RASAL2: variants seen among roughly 807,000 people sequenced by gnomAD.
The protein encoded by RASAL2 is RAS protein activator like 2.
A neutral mutation model predicts 128.9 loss-of-function variants in RASAL2; 58 were observed. The ratio of observed to expected loss-of-function variants is 0.45; its 90% CI spans 0.36 to 0.56. The LOEUF is 0.56. RASAL2 is among the 20% of genes least tolerant of loss of function. RASAL2 has a pLI of 0.00. For missense variants in RASAL2, 1,360 were observed against 1,601.6 expected, an observed-to-expected ratio of 0.85 and a Z score of 2.57; for synonymous variants, 561 against 580.8, an observed-to-expected ratio of 0.97 and a Z score of 0.49.
intron 1 of RASAL2, among the ~76,000 whole-genome samples, chr1:178,265,762 A>C (rs1001094353): frequency 1.3e-5 from 2 of 152,248 alleles, no homozygotes; most frequent in African/African-American, 4.8e-5. Context: ...TCAGAAGCCC[A>C]CTTATGTCCT....
At chr1:178,290,324 AT>A (rs1667217687) in intron 2 of RASAL2, among the ~76,000 whole-genome samples, 1 of 152,196 alleles carries the variant, frequency 6.6e-6, no homozygotes, top group Non-Finnish European at 1.5e-5. Flanking sequence ...TGAATAGAAA[AT>A]ATCTTCTATC....
At chr1:178,381,003 T>C (rs2102561522) in intron 3 of RASAL2, among the ~76,000 whole-genome samples, 1 of 152,268 alleles carries the variant, frequency 6.6e-6, no homozygotes, top group East Asian at 1.9e-4. Context: ...AAGTTGATAT[T>C]GAAGGTCATC....
intron 1 of RASAL2, among the ~76,000 whole-genome samples, chr1:178,222,610 C>A (rs548240534): frequency 4.6e-5 from 7 of 152,132 alleles, no homozygotes; most frequent in African/African-American, 1.7e-4. Flanking sequence ...GATTATTTAT[C>A]AGATGTCCAA....
chr1:178,385,647 T>C (rs1324220436), intron 3 of RASAL2, among the ~76,000 whole-genome samples: 1 of 152,174 alleles, frequency 6.6e-6, no homozygotes, highest in Non-Finnish European at 1.5e-5. Context: ...TATAGTAGTA[T>C]TGTAGTGTCA....
chr1:178,233,047 T>C (rs772643441), intron 1 of RASAL2, among the ~76,000 whole-genome samples: 100 of 152,240 alleles, frequency 6.6e-4, no homozygotes, highest in African/African-American at 2.4e-3. Flanking sequence ...ACTCTGATGA[T>C]ACTTTGCTTC....
In RASAL2 at chr1:178,300,047, TGAG is replaced by T. The variant is rs753921536; in HGVS notation, c.390_392del (p.Arg131del). On this transcript the variant is annotated inframe_deletion, in exon 3 of 18. Transcript: ENST00000367649. The stretch of plus-strand genomic sequence containing the variant: ...ACAGATTCCACCAAAGGGCGATGCC[TGAG>T]GAGAACTGTCAGTGTCCCTTCCGAG... The T allele has an allele frequency of 3.7e-6, 6 of 1,613,850 alleles. No homozygotes were observed. Among genetic ancestry groups the T allele is most frequent in the African/African-American group, 1.3e-5 (1 of 74,890 alleles).
At chr1:178,320,131 TGAG>T (rs1668686875) in intron 3 of RASAL2, among the ~76,000 whole-genome samples, 1 of 151,978 alleles carries the variant, frequency 6.6e-6, no homozygotes, top group Non-Finnish European at 1.5e-5. Context: ...GGGACCCACT[TGAG>T]GAGGCAGTCT....
chr1:178,161,207 C>A (rs1212004757), intron 1 of RASAL2, among the ~76,000 whole-genome samples: 1 of 151,976 alleles, frequency 6.6e-6, no homozygotes, highest in Non-Finnish European at 1.5e-5. Flanking sequence ...TCTTTTGCAA[C>A]AATCACTACC....
At chr1:178,165,425 G>C (rs1208696292) in intron 1 of RASAL2, among the ~76,000 whole-genome samples, 1 of 152,072 alleles carries the variant, frequency 6.6e-6, no homozygotes, top group Admixed American at 6.6e-5. Flanking sequence ...GATATTATAA[G>C]TAATCCAGAG....
rs560231384 is a variant in RASAL2, at chr1:178,133,810, C to T, written c.202+39116C>T. 2.8e-4 allele frequency among the ~76,000 whole-genome samples: 43 copies of T among 152,256 alleles called. 1 individual carries two copies. The South Asian group carries it at 8.5e-3, about 30-fold the overall frequency. On this transcript the variant is annotated intron_variant, in intron 1 of 17. Coordinates refer to ENST00000367649, the MANE Select transcript of RASAL2 (RefSeq NM_170692.4). ...CTCTCTTTCTTACTGTACTTAACAT[C>T]TAAAGGGCACCTCATTTATTTTCAG...
rs750507726 is a variant in RASAL2 at position 178,246,684 on chromosome 1, T to G, written c.203-36880T>G. ...ATGCTTCCAGTTTTTGCCCATTCAGTATGATATTGGCTGTGGGTTTGTCAT... is the reference window on the plus strand; with the variant it reads ...ATGCTTCCAGTTTTTGCCCATTCAGGATGATATTGGCTGTGGGTTTGTCAT... On this transcript the variant is annotated intron_variant, in intron 1 of 17. Coordinates refer to ENST00000367649, the MANE Select transcript of RASAL2 (RefSeq NM_170692.4). 7.2e-5 allele frequency among the ~76,000 whole-genome samples: 11 copies of G among 152,200 alleles called. 1 individual carries two copies. The highest frequency in any genetic ancestry group is 1.3e-4 in the Non-Finnish European group (9 of 68,050).
chr1:178,217,528 A>G (rs1212909269), intron 1 of RASAL2, among the ~76,000 whole-genome samples: 1 of 152,208 alleles, frequency 6.6e-6, no homozygotes, highest in Non-Finnish European at 1.5e-5. Context: ...CATACTGCAG[A>G]TATTGTGTGT....
intron 1 of RASAL2, among the ~76,000 whole-genome samples, chr1:178,242,435 CTCTCTCTCTCTCTCTCTCTCTCT>C (rs1664544531): frequency 8.8e-5 from 1 of 11,368 alleles, no homozygotes; most frequent in East Asian, 2.6e-3. Flanking sequence ...CTCTCTCTCT[CTCTCTCTCTCTCTCTCTCTCTCT>C]CTCTCTCTCT....
intron 4 of RASAL2, among the ~76,000 whole-genome samples, chr1:178,396,028 G>GA (rs1673205330): frequency 6.6e-6 from 1 of 151,214 alleles, no homozygotes; most frequent in African/African-American, 2.4e-5. Context: ...TCTCAGAGCA[G>GA]AGAAAAAAAA....
intron 1 of RASAL2, among the ~76,000 whole-genome samples, chr1:178,133,662 G>T (rs1338625349): frequency 2.0e-5 from 3 of 152,112 alleles, no homozygotes; most frequent in Non-Finnish European, 4.4e-5. Flanking sequence ...TCTGGTTAGG[G>T]CTCTTGCCCT....
At chr1:178,343,615 A>G (rs1234805817) in intron 3 of RASAL2, among the ~76,000 whole-genome samples, 2 of 152,208 alleles carry the variant, frequency 1.3e-5, no homozygotes, top group African/African-American at 4.8e-5. Flanking sequence ...ATCAGAAGTC[A>G]TTAATCTATT....
chr1:178,410,692 C>T (rs746638664), intron 4 of RASAL2, among the ~76,000 whole-genome samples: 1 of 151,696 alleles, frequency 6.6e-6, no homozygotes, highest in Non-Finnish European at 1.5e-5. Flanking sequence ...CAGATAATCC[C>T]GTCAAAAAGT....
intron 9 of RASAL2, among the ~76,000 whole-genome samples, chr1:178,445,886 G>C (rs1676964525): frequency 6.6e-6 from 1 of 152,046 alleles, no homozygotes; most frequent in Non-Finnish European, 1.5e-5. Flanking sequence ...TGCTACCCCA[G>C]GTCCCCAGCT....
intron 3 of RASAL2, among the ~76,000 whole-genome samples, chr1:178,309,864 T>C (rs1668155434): frequency 6.6e-6 from 1 of 152,054 alleles, no homozygotes; most frequent in Non-Finnish European, 1.5e-5. Context: ...TTTGAATTGA[T>C]AGAAGGAGGG....
Sources: gnomAD v4.1 joint callset for allele counts (sites outside exome capture counted in the v4.1 genomes callset) on GRCh38, gnomAD v4.1.1 for gene constraint, MANE v1.5 for transcripts, NCBI Gene and HGNC (gene_info 2026-07-23, HGNC 2026-07-21) for gene names.